Variants in BCLAF3 observed in about 807,000 individuals in gnomAD.
BCLAF3 encodes transient octamer binding factor 1.
In BCLAF3, 24 loss-of-function variants were observed where a neutral mutation model predicts 51.2. That is an observed-to-expected ratio of 0.47 (90% CI 0.34 to 0.66). The LOEUF (loss-of-function observed/expected upper bound fraction) is 0.66, where lower values mean the gene tolerates loss of function less well. BCLAF3 is among the 30% of genes least tolerant of loss of function. The pLI is 0.01. For synonymous variants in BCLAF3, 152 were observed against 176.6 expected, an observed-to-expected ratio of 0.86 and a Z score of 1.10; for missense variants, 465 against 525.1, an observed-to-expected ratio of 0.89 and a Z score of 1.12.
intron 5 of BCLAF3, chrX:19,954,104 C>A (rs758391507): frequency 2.7e-6 from 2 of 752,383 alleles, no homozygotes; most frequent in Non-Finnish European, 3.1e-6. Flanking sequence ...ATTTATTAAT[C>A]GAAGAATTTT....
chrX:19,962,030 A>G (rs909168935), intron 4 of BCLAF3, among the ~76,000 whole-genome samples: 1 of 112,443 alleles, frequency 8.9e-6, no homozygotes, highest in Non-Finnish European at 1.9e-5. Context: ...AAATTATAAA[A>G]TTAACTGTTC....
At chrX:19,945,865 C>T (rs1354711411) in intron 8 of BCLAF3, among the ~76,000 whole-genome samples, 1 of 106,588 alleles carries the variant, frequency 9.4e-6, no homozygotes, top group African/African-American at 3.6e-5. Context: ...GGGCGCCCCT[C>T]CCCCAGCCTC....
intron 7 of BCLAF3, 86 bp downstream of exon 7, chrX:19,952,902 T>A (rs1242772947): frequency 1.6e-5 from 11 of 707,061 alleles, no homozygotes; most frequent in Non-Finnish European, 2.3e-5. Context: ...GTACTTTAAC[T>A]CCCTTTTCTC....
intron 11 of BCLAF3, chrX:19,929,233 TA>T (rs1389206622): frequency 1.8e-5 from 2 of 111,704 alleles, no homozygotes; most frequent in East Asian, 5.6e-4. Flanking sequence ...AAAGAACATA[TA>T]ATGGTGATGA....
intron 11 of BCLAF3, among the ~76,000 whole-genome samples, chrX:19,926,352 T>G (rs1020477458): frequency 1.8e-5 from 2 of 111,270 alleles, no homozygotes; most frequent in Non-Finnish European, 3.8e-5. Context: ...TGGAGACCCG[T>G]AGCAGGCTGT....
chrX:19,972,132 T>C (rs1234012708), intron 1 of BCLAF3, among the ~76,000 whole-genome samples: 1 of 112,438 alleles, frequency 8.9e-6, no homozygotes, highest in African/African-American at 3.2e-5. Context: ...CAAAGTATTA[T>C]GAAATTAAAA....
chrX:19,926,969 G>A (rs2147717706), intron 11 of BCLAF3, among the ~76,000 whole-genome samples: 1 of 111,729 alleles, frequency 9.0e-6, no homozygotes, highest in South Asian at 3.7e-4. Context: ...GCTTACACCT[G>A]TAATGCCAGC....
chrX:19,918,903 A>G (rs772542809), intron 11 of BCLAF3, among the ~76,000 whole-genome samples: 39 of 110,320 alleles, frequency 3.5e-4, no homozygotes, highest in African/African-American at 1.3e-3. Flanking sequence ...CTAGGTTTTC[A>G]TAACATGTCA....
At chrX:19,987,438 G>A (rs1399309021) in intron 1 of BCLAF3, among the ~76,000 whole-genome samples, 1 of 111,692 alleles carries the variant, frequency 9.0e-6, no homozygotes, top group Non-Finnish European at 1.9e-5. Flanking sequence ...CTGAGTAGCT[G>A]GGATTACAGG....
At position 19,955,458 on chromosome X, in the gene BCLAF3, C is replaced by T. The variant is rs1163254999; in HGVS notation, c.1383G>A (p.Gln461=). The part of the protein sequence containing the change: ...HPVFEHLDST[Q]NTENKPTGEF... ...CTCCTGTAGGTTTGTTTTCAGTATTCTGAGTTGAGTCAAGATGTTCAAACA... is the reference window on the plus strand; with the variant it reads ...CTCCTGTAGGTTTGTTTTCAGTATTTTGAGTTGAGTCAAGATGTTCAAACA... The change falls in exon 5 of 12, where the codon CAG becomes CAA. Residue 461 remains glutamine, a synonymous_variant. Transcript: ENST00000379682. 8.3e-7 allele frequency: 1 copy of T among 1,202,695 alleles called. No homozygotes were observed. Among genetic ancestry groups the T allele is most frequent in the African/African-American group, 1.7e-5 (1 of 57,312 alleles).
At chrX:19,964,999 G>A (rs765102079) in intron 4 of BCLAF3, 45 bp downstream of exon 4, 18 of 1,018,678 alleles carry the variant, frequency 1.8e-5, no homozygotes, top group Non-Finnish European at 2.2e-5. Context: ...AATAAAGATT[G>A]TAGAAACATT....
chrX:19,978,067 C>T (rs762508414), intron 1 of BCLAF3, among the ~76,000 whole-genome samples: 1 of 111,809 alleles, frequency 8.9e-6, no homozygotes, highest in African/African-American at 3.2e-5. Flanking sequence ...TGACAATGCA[C>T]CTGGTCACCC....
At chrX:19,945,938 T>C (rs755919232) in intron 8 of BCLAF3, among the ~76,000 whole-genome samples, 1 of 108,565 alleles carries the variant, frequency 9.2e-6, no homozygotes, top group Non-Finnish European at 1.9e-5. Flanking sequence ...TCCGTGGGCG[T>C]AGGACCCTCC....
intron 8 of BCLAF3, among the ~76,000 whole-genome samples, chrX:19,950,222 C>T (rs140940967): frequency 8.9e-6 from 1 of 111,816 alleles, no homozygotes; most frequent in East Asian, 2.8e-4. Flanking sequence ...AAACTTAGGT[C>T]TCCTCTGCAT....
Position 19,917,281 on chromosome X carries a change from C to A in BCLAF3, c.*24G>T, listed in dbSNP as rs1273095768. ...GCTCCCAAACATCCTCCTGTAGCGT[C>A]ATTTCCATTTGTACGATTTCAGATT... is the stretch of plus-strand genomic sequence containing the variant. On this transcript the variant is annotated 3_prime_UTR_variant, in exon 12 of 12. Coordinates refer to ENST00000379682, the MANE Select transcript of BCLAF3 (RefSeq NM_001367774.2). The A allele has an allele frequency of 8.4e-7, 1 of 1,189,858 alleles. No individual in the cohort carries two copies. The highest frequency in any genetic ancestry group is 1.8e-5 in the African/African-American group (1 of 56,746).
At chrX:19,937,869 T>A (rs1436678616) in intron 8 of BCLAF3, among the ~76,000 whole-genome samples, 3 of 112,133 alleles carry the variant, frequency 2.7e-5, no homozygotes, top group Non-Finnish European at 5.6e-5. Context: ...AGATAATTAC[T>A]GCTCTAGAAC....
intron 11 of BCLAF3, among the ~76,000 whole-genome samples, chrX:19,926,004 T>C (rs1603301099): frequency 9.0e-6 from 1 of 111,548 alleles, no homozygotes; most frequent in African/African-American, 3.3e-5. Flanking sequence ...ATGCTGTACT[T>C]GTAGAGCTGG....
intron 11 of BCLAF3, chrX:19,929,286 T>C (rs1440767267): frequency 8.9e-6 from 1 of 112,085 alleles, no homozygotes. Flanking sequence ...CTGAACTGTA[T>C]GTACTTGATG....
Position 19,965,618 on chromosome X carries a change from T to C in BCLAF3, c.700A>G (p.Arg234Gly). The part of the protein sequence containing the change: ...VERYESREPA[R>G]NPKWKPEHSL... ...TGCTCAGGCTTCCACTTTGGGTTCC[T>C]GGCAGGCTCTCTGCTTTCATACCTC... is the stretch of plus-strand genomic sequence containing the variant. The change falls in exon 4 of 12, where the codon AGG becomes GGG. Residue 234 changes from arginine to glycine, a missense_variant. By Grantham distance (125) the Arg-to-Gly change is moderately radical (BLOSUM62 -2). Transcript: ENST00000379682. 1 of 1,171,619 alleles carries C rather than the reference T, an allele frequency of 8.5e-7. No homozygotes were observed. The highest frequency in any genetic ancestry group is 1.1e-6 in the Non-Finnish European group (1 of 879,021).
Sources: gnomAD v4.1 joint callset for allele counts (sites outside exome capture counted in the v4.1 genomes callset) on GRCh38, gnomAD v4.1.1 for gene constraint, MANE v1.5 for transcripts, NCBI Gene and HGNC (gene_info 2026-07-23, HGNC 2026-07-21) for gene names.